The following TAFA2 variants were observed in gnomAD, a reference collection of about 807,000 sequenced individuals.
TAFA2 encodes TAFA chemokine like family member 2.
A neutral mutation model predicts 18.8 loss-of-function variants in TAFA2; 7 were observed. The observed-to-expected ratio is 0.37, with a 90% CI of 0.21 to 0.70. The LOEUF (loss-of-function observed/expected upper bound fraction) is 0.70. Ranked by LOEUF, TAFA2 falls within the 30% of genes least tolerant of loss-of-function variation. The probability of loss-of-function intolerance (pLI) is 0.53; values close to 1 mark genes in which losing one functional copy is unlikely to be tolerated. For missense variants in TAFA2, 122 were observed against 158.1 expected, an observed-to-expected ratio of 0.77 and a Z score of 1.23; for synonymous variants, 60 against 54.2, an observed-to-expected ratio of 1.11 and a Z score of -0.47.
intron 1 of TAFA2, among the ~76,000 whole-genome samples, chr12:61,985,776 C>G (rs375312883): frequency 6.6e-6 from 1 of 152,184 alleles, no homozygotes; most frequent in African/African-American, 2.4e-5. Context: ...TGATTTTCAG[C>G]ACAACCAAAT....
chr12:61,761,905 T>G (rs1869565570), intron 2 of TAFA2, among the ~76,000 whole-genome samples: 1 of 152,048 alleles, frequency 6.6e-6, no homozygotes, highest in African/African-American at 2.4e-5. Flanking sequence ...GGGCAGTTCC[T>G]AATGGATTAG....
intron 1 of TAFA2, among the ~76,000 whole-genome samples, chr12:62,058,832 A>G (rs1882259041): frequency 6.6e-6 from 1 of 152,154 alleles, no homozygotes; most frequent in African/African-American, 2.4e-5. Context: ...GTGCGGGTGC[A>G]ATGGCTCACG....
intron 1 of TAFA2, among the ~76,000 whole-genome samples, chr12:62,095,687 GA>G (rs1868919993): frequency 6.6e-6 from 1 of 152,094 alleles, no homozygotes; most frequent in Non-Finnish European, 1.5e-5. Flanking sequence ...GTGAGCCTCT[GA>G]AAAACAGGTG....
intron 1 of TAFA2, among the ~76,000 whole-genome samples, chr12:61,867,629 C>T (rs3759287): frequency 0.81 from 123,605 of 152,008 alleles, 50,405 homozygotes; most frequent in East Asian, 0.89. Flanking sequence ...TGATATGATG[C>T]AAGAAATAAG....
At chr12:61,940,137 A>G (rs12824077) in intron 1 of TAFA2, among the ~76,000 whole-genome samples, 15,877 of 152,258 alleles carry the variant, frequency 0.1, 888 homozygotes, top group East Asian at 0.22. Context: ...ACCTTATAGT[A>G]TGGGAAGATA....
chr12:62,222,252 C>A (rs2062766213), intron 1 of TAFA2, among the ~76,000 whole-genome samples: 1 of 151,980 alleles, frequency 6.6e-6, no homozygotes, highest in South Asian at 2.1e-4. Flanking sequence ...TCAACACAGC[C>A]CTGGCTCATT....
chr12:62,098,485 C>CA (rs1869044445), intron 1 of TAFA2, among the ~76,000 whole-genome samples: 1 of 151,604 alleles, frequency 6.6e-6, no homozygotes, highest in South Asian at 2.1e-4. Context: ...ACAAAAGTAT[C>CA]AAAAAATAGA....
At chr12:62,250,170 A>G (rs779851187) in intron 1 of TAFA2, among the ~76,000 whole-genome samples, 23 of 152,326 alleles carry the variant, frequency 1.5e-4, no homozygotes, top group Non-Finnish European at 3.2e-4. Context: ...ATAACTCTTT[A>G]TTTCCCTTCG....
chr12:61,793,760 C>G (rs1330298304), intron 2 of TAFA2, among the ~76,000 whole-genome samples: 1 of 151,676 alleles, frequency 6.6e-6, no homozygotes, highest in Non-Finnish European at 1.5e-5. Flanking sequence ...CTAGCGTTAT[C>G]CTGATAATAA....
intron 1 of TAFA2, among the ~76,000 whole-genome samples, chr12:62,153,955 T>TGTTATGTTAC (rs1406312777): frequency 6.6e-6 from 1 of 151,690 alleles, no homozygotes; most frequent in African/African-American, 2.4e-5. Flanking sequence ...TGTTATGTTA[T>TGTTATGTTAC]GTTATGTTAT....
At chr12:61,854,833 C>T (rs1431354171) in intron 2 of TAFA2, among the ~76,000 whole-genome samples, 1 of 151,976 alleles carries the variant, frequency 6.6e-6, no homozygotes, top group Non-Finnish European at 1.5e-5. Flanking sequence ...CCTCAAGAAA[C>T]AGCTAAATGA....
intron 1 of TAFA2, among the ~76,000 whole-genome samples, chr12:61,895,096 C>T (rs1254017711): frequency 1.3e-5 from 2 of 152,090 alleles, no homozygotes; most frequent in Non-Finnish European, 2.9e-5. Flanking sequence ...GCGTTATGTA[C>T]TTTCAGGGTC....
chr12:61,811,189 G>A (rs1871853778), intron 2 of TAFA2, among the ~76,000 whole-genome samples: 1 of 151,222 alleles, frequency 6.6e-6, no homozygotes, highest in African/African-American at 2.5e-5. Context: ...ATGCATATGA[G>A]CATTATTTTT....
At chr12:61,960,326 T>A (rs907434432) in intron 1 of TAFA2, among the ~76,000 whole-genome samples, 2 of 152,028 alleles carry the variant, frequency 1.3e-5, no homozygotes, top group African/African-American at 4.8e-5. Context: ...TTAAATGGCA[T>A]CAATATATCA....
At chr12:62,103,610 G>A (rs2009479) in intron 1 of TAFA2, among the ~76,000 whole-genome samples, 28,298 of 152,064 alleles carry the variant, frequency 0.19, 2,893 homozygotes, top group East Asian at 0.4. Context: ...GTGTGATGGC[G>A]TATGCCTGTA....
chr12:61,724,300 T>C (rs1033378273), intron 4 of TAFA2, among the ~76,000 whole-genome samples: 25 of 152,192 alleles, frequency 1.6e-4, no homozygotes, highest in African/African-American at 5.3e-4. Context: ...AGACACATTT[T>C]ATATTTTTTG....
At chr12:61,971,027 G>A (rs1291557850) in intron 1 of TAFA2, among the ~76,000 whole-genome samples, 1 of 151,546 alleles carries the variant, frequency 6.6e-6, no homozygotes, top group Non-Finnish European at 1.5e-5. Context: ...ATAAGATATA[G>A]CAAAATAGAT....
chr12:61,859,243 A>T (rs981690138), intron 2 of TAFA2, among the ~76,000 whole-genome samples: 1 of 152,188 alleles, frequency 6.6e-6, no homozygotes, highest in Admixed American at 6.5e-5. Flanking sequence ...GGGAAATTCC[A>T]GACACTTATA....
chr12:61,953,681 G>T (rs776242888), intron 1 of TAFA2, among the ~76,000 whole-genome samples: 9 of 152,070 alleles, frequency 5.9e-5, no homozygotes, highest in Non-Finnish European at 1.0e-4. Flanking sequence ...TTTTATGATT[G>T]CTGTACAATT....
Sources: allele counts gnomAD v4.1 joint callset (sites outside exome capture counted in the v4.1 genomes callset), GRCh38; gene constraint gnomAD v4.1.1; transcripts MANE v1.5; gene names NCBI Gene and HGNC (gene_info 2026-07-23, HGNC 2026-07-21).